Variants in NPFFR2 observed in about 807,000 individuals in gnomAD.
NPFFR2 encodes the protein neuropeptide FF receptor 2, also known as G-protein coupled receptor 74.
In NPFFR2, 15 loss-of-function variants were observed where a neutral mutation model predicts 13.1. That is an observed-to-expected ratio of 1.15 (90% CI 0.77 to 1.76). The LOEUF (loss-of-function observed/expected upper bound fraction) is 1.76, where lower values mean the gene tolerates loss of function less well. Ranked by LOEUF, NPFFR2 falls within the 40% of genes most tolerant of loss-of-function variation. The pLI is 0.00. For synonymous variants in NPFFR2, 190 were observed against 175.7 expected (o/e 1.08, Z -0.65); for missense variants, 572 against 503.5 (o/e 1.14, Z -1.30).
At chr4:72,051,781 A>C (rs1196085299) in intron 1 of NPFFR2, among the ~76,000 whole-genome samples, 1 of 151,988 alleles carries the variant, frequency 6.6e-6, no homozygotes, top group Non-Finnish European at 1.5e-5. Flanking sequence ...GAGAAGAATC[A>C]AATAGATGCA....
intron 1 of NPFFR2, among the ~76,000 whole-genome samples, chr4:72,112,147 G>C (rs1007688833): frequency 1.1e-4 from 17 of 151,984 alleles, no homozygotes; most frequent in Admixed American, 8.5e-4. Context: ...TCAGGCTGCT[G>C]TTTAAGTACT....
At chr4:72,066,971 G>A (rs890198998) in intron 1 of NPFFR2, among the ~76,000 whole-genome samples, 1 of 152,084 alleles carries the variant, frequency 6.6e-6, no homozygotes, top group Non-Finnish European at 1.5e-5. Flanking sequence ...CTCTACTGGG[G>A]GCTCTCTGCA....
intron 1 of NPFFR2, among the ~76,000 whole-genome samples, chr4:72,065,339 A>G (rs1311384300): frequency 6.6e-6 from 1 of 152,172 alleles, no homozygotes; most frequent in African/African-American, 2.4e-5. Context: ...GAAATAATGA[A>G]TGCAAATATG....
rs1261137956 is a variant in NPFFR2 at position 72,074,927 on chromosome 4, G to C, written c.-8+42727G>C. ...TTTAAAAGATTATGAGATGAACAAG[G>C]ACATTACATATTAATAAAAGATTCA... On this transcript the variant is annotated intron_variant, in intron 1 of 3. Coordinates refer to ENST00000308744, the MANE Select transcript of NPFFR2 (RefSeq NM_004885.3). Among the ~76,000 whole-genome samples the C allele has an allele frequency of 3.3e-5, 5 of 151,366 alleles. No individual in the cohort carries two copies. In the Admixed American group the frequency reaches 3.3e-4, roughly 10 times the overall value.
chr4:72,116,554 C>T (rs546827077), intron 1 of NPFFR2, among the ~76,000 whole-genome samples: 1 of 151,970 alleles, frequency 6.6e-6, no homozygotes, highest in South Asian at 2.1e-4. Flanking sequence ...CACACGTACC[C>T]CTGAACCTAA....
chr4:72,085,143 C>T (rs1012982882), intron 1 of NPFFR2, among the ~76,000 whole-genome samples: 7 of 152,046 alleles, frequency 4.6e-5, no homozygotes, highest in Non-Finnish European at 1.5e-5. Flanking sequence ...AAGACAGATA[C>T]CAACAAATGT....
At chr4:72,057,351 G>C (rs1450555388) in intron 1 of NPFFR2, among the ~76,000 whole-genome samples, 4 of 151,852 alleles carry the variant, frequency 2.6e-5, no homozygotes, top group African/African-American at 9.7e-5. Context: ...CAGTTCCAGA[G>C]GCCAGAAATC....
chr4:72,136,750 G>T (rs1395769776), intron 2 of NPFFR2, among the ~76,000 whole-genome samples: 3 of 152,178 alleles, frequency 2.0e-5, no homozygotes, highest in African/African-American at 7.2e-5. Flanking sequence ...GTGACTCGGG[G>T]TTTAGAGTAC....
At chr4:72,083,989 AC>A (rs1331058683) in intron 1 of NPFFR2, among the ~76,000 whole-genome samples, 5 of 152,074 alleles carry the variant, frequency 3.3e-5, no homozygotes, top group Non-Finnish European at 5.9e-5. Context: ...CACTACCACC[AC>A]CAAAGATCAC....
At chr4:72,060,922 A>AT (rs1464806480) in intron 1 of NPFFR2, among the ~76,000 whole-genome samples, 2 of 152,132 alleles carry the variant, frequency 1.3e-5, no homozygotes, top group African/African-American at 4.8e-5. Context: ...CAAATATCAC[A>AT]TTTTTCACTG....
chr4:72,134,611 A>G (rs1250829344), intron 2 of NPFFR2, among the ~76,000 whole-genome samples: 1 of 152,072 alleles, frequency 6.6e-6, no homozygotes, highest in African/African-American at 2.4e-5. Context: ...CTCTTATAAA[A>G]TGTTTTTCAT....
intron 1 of NPFFR2, among the ~76,000 whole-genome samples, chr4:72,113,738 TG>T (rs946874137): frequency 6.6e-5 from 10 of 151,992 alleles, no homozygotes; most frequent in African/African-American, 2.2e-4. Flanking sequence ...CAGACAGCCC[TG>T]GGGGGTTGTC....
rs139488490 is a variant in NPFFR2, at chr4:72,032,131, A to T, written c.-77A>T. On this transcript the variant is annotated 5_prime_UTR_variant, in exon 1 of 4. Transcript: ENST00000308744. ...AAAAGTAGCTGGAGCCGGAGCAGGGACAGAACCTGTTGCTGCAGACGGGCT... is the reference window on the plus strand; with the variant it reads ...AAAAGTAGCTGGAGCCGGAGCAGGGTCAGAACCTGTTGCTGCAGACGGGCT... 248 of 1,613,968 alleles carry T rather than the reference A, an allele frequency of 1.5e-4. No individual in the cohort carries two copies. The highest frequency in any genetic ancestry group is 2.0e-4 in the Non-Finnish European group (235 of 1,179,996).
intron 1 of NPFFR2, among the ~76,000 whole-genome samples, chr4:72,123,991 A>T (rs1370443030): frequency 6.6e-6 from 1 of 152,210 alleles, no homozygotes; most frequent in Non-Finnish European, 1.5e-5. Context: ...TTTGCAGATG[A>T]TATGATTGTA....
intron 1 of NPFFR2, among the ~76,000 whole-genome samples, chr4:72,041,348 A>G (rs1252209220): frequency 6.6e-6 from 1 of 152,234 alleles, no homozygotes; most frequent in Non-Finnish European, 1.5e-5. Context: ...TTATAACTGC[A>G]TAGTATTACA....
chr4:72,087,964 C>T (rs1720813916), intron 1 of NPFFR2, among the ~76,000 whole-genome samples: 1 of 151,874 alleles, frequency 6.6e-6, no homozygotes, highest in Admixed American at 6.6e-5. Context: ...CAAAAGTGTA[C>T]CTTGAAAATT....
At chr4:72,125,331 G>A (rs139550781) in intron 1 of NPFFR2, among the ~76,000 whole-genome samples, 2 of 152,100 alleles carry the variant, frequency 1.3e-5, no homozygotes, top group Non-Finnish European at 1.5e-5. Context: ...TGTTGTGGAA[G>A]TTTAAATTAG....
chr4:72,129,243 T>A (rs942538329), intron 2 of NPFFR2, among the ~76,000 whole-genome samples: 2 of 151,960 alleles, frequency 1.3e-5, no homozygotes, highest in Non-Finnish European at 2.9e-5. Context: ...GGGTTGCCCC[T>A]ACACACCTGT....
At chr4:72,057,393 C>G (rs934841600) in intron 1 of NPFFR2, among the ~76,000 whole-genome samples, 4 of 151,966 alleles carry the variant, frequency 2.6e-5, no homozygotes, top group Non-Finnish European at 5.9e-5. Context: ...ACCAAGTTGC[C>G]TTGAAAGATC....
Sources: allele counts gnomAD v4.1 joint callset (sites outside exome capture counted in the v4.1 genomes callset), GRCh38; gene constraint gnomAD v4.1.1; transcripts MANE v1.5; gene names NCBI Gene and HGNC (gene_info 2026-07-23, HGNC 2026-07-21).